The following ST8SIA1 variants were observed in gnomAD, a reference collection of about 807,000 sequenced individuals.
ST8SIA1 encodes the protein alpha-N-acetylneuraminide alpha-2,8-sialyltransferase.
Under a neutral mutation model 35.9 loss-of-function variants are expected in ST8SIA1, and 16 were observed. That is an observed-to-expected ratio of 0.45 (90% confidence interval 0.30 to 0.68). The LOEUF (loss-of-function observed/expected upper bound fraction) is 0.68. Among genes scored for constraint, ST8SIA1 ranks in the 30% least tolerant of loss-of-function variants. The probability of loss-of-function intolerance (pLI) is 0.09; values close to 1 mark genes in which losing one functional copy is unlikely to be tolerated. For missense variants in ST8SIA1, 383 were observed against 453.6 expected, an observed-to-expected ratio of 0.84 and a Z score of 1.41; for synonymous variants, 170 against 169.6, an observed-to-expected ratio of 1.00 and a Z score of -0.02.
chr12:22,325,636 G>A, intron 1 of ST8SIA1: 1 of 614,666 alleles, frequency 1.6e-6, no homozygotes, highest in South Asian at 2.0e-5. Context: ...AAGACCCCCA[G>A]TGGATGTCTG....
At chr12:22,285,670 G>A (rs1190079935) in intron 2 of ST8SIA1, among the ~76,000 whole-genome samples, 3 of 152,038 alleles carry the variant, frequency 2.0e-5, no homozygotes, top group African/African-American at 4.8e-5. Flanking sequence ...TCCGGAGTTC[G>A]AGACCAGCCT....
Position 22,289,249 on chromosome 12 carries a change from T to C in ST8SIA1, c.237-1956A>G, listed in dbSNP as rs377613477. Among the ~76,000 whole-genome samples, 36 of 152,160 alleles carry C rather than the reference T, an allele frequency of 2.4e-4. 1 individual carries two copies. The highest frequency in any genetic ancestry group is 1.3e-3 in the East Asian group (7 of 5,194). On this transcript the variant is annotated intron_variant, in intron 1 of 4. Coordinates refer to ENST00000396037, the MANE Select transcript of ST8SIA1 (RefSeq NM_003034.4). ...ATGTCTGCTGATATCTTATATTTTT[T>C]AGTCCTCAGAGCAACCCTAAGAGAT...
chr12:22,263,023 C>T (rs1017406743), intron 2 of ST8SIA1, among the ~76,000 whole-genome samples: 9 of 152,110 alleles, frequency 5.9e-5, no homozygotes, highest in Non-Finnish European at 1.2e-4. Flanking sequence ...AACCAGCTCA[C>T]CAGGAATCTT....
intron 1 of ST8SIA1, among the ~76,000 whole-genome samples, chr12:22,326,689 T>C (rs1041866731): frequency 6.6e-6 from 1 of 152,152 alleles, no homozygotes; most frequent in Non-Finnish European, 1.5e-5. Flanking sequence ...GAGTCTACAT[T>C]CTTTATCTGA....
chr12:22,330,524 C>T (rs1295974685), intron 1 of ST8SIA1, among the ~76,000 whole-genome samples: 3 of 152,190 alleles, frequency 2.0e-5, no homozygotes, highest in Admixed American at 1.3e-4. Context: ...GGTTTTCACT[C>T]TGCTATGTTT....
chr12:22,224,884 T>C (rs1389084052), intron 4 of ST8SIA1, among the ~76,000 whole-genome samples: 1 of 152,168 alleles, frequency 6.6e-6, no homozygotes, highest in African/African-American at 2.4e-5. Flanking sequence ...AACAGGATCT[T>C]TGTAGATATA....
At chr12:22,298,373 C>T (rs1262788107) in intron 1 of ST8SIA1, among the ~76,000 whole-genome samples, 1 of 152,182 alleles carries the variant, frequency 6.6e-6, no homozygotes, top group Non-Finnish European at 1.5e-5. Context: ...ACTAAACCCT[C>T]ATCCTGTGGG....
intron 4 of ST8SIA1, among the ~76,000 whole-genome samples, chr12:22,245,755 C>T (rs1457850457): frequency 6.6e-6 from 1 of 152,218 alleles, no homozygotes; most frequent in Non-Finnish European, 1.5e-5. Flanking sequence ...GATTCTAGGA[C>T]TGGGACTTCA....
At chr12:22,226,022 A>C (rs1385904416) in intron 4 of ST8SIA1, among the ~76,000 whole-genome samples, 4 of 152,044 alleles carry the variant, frequency 2.6e-5, no homozygotes, top group Non-Finnish European at 1.5e-5. Flanking sequence ...GTATACTTTT[A>C]ATTGCTTTTG....
intron 1 of ST8SIA1, among the ~76,000 whole-genome samples, chr12:22,312,787 G>A (rs761848150): frequency 1.5e-4 from 22 of 151,336 alleles, no homozygotes; most frequent in South Asian, 4.2e-4. Flanking sequence ...AAGTGGTCCC[G>A]ATGGACACAA....
intron 2 of ST8SIA1, among the ~76,000 whole-genome samples, chr12:22,284,427 G>GT (rs1392788408): frequency 7.2e-5 from 11 of 152,098 alleles, no homozygotes; most frequent in African/African-American, 2.7e-4. Context: ...TAAATGAAGC[G>GT]TATCAATTAA....
chr12:22,292,346 A>G (rs1246405451), intron 1 of ST8SIA1, among the ~76,000 whole-genome samples: 1 of 152,106 alleles, frequency 6.6e-6, no homozygotes, highest in Non-Finnish European at 1.5e-5. Flanking sequence ...TATATATTTA[A>G]TTTATAGTCT....
At chr12:22,203,592 G>A (rs1865073484) in intron 4 of ST8SIA1, among the ~76,000 whole-genome samples, 1 of 152,016 alleles carries the variant, frequency 6.6e-6, no homozygotes, top group Admixed American at 6.6e-5. Context: ...ATTTTTCCCT[G>A]GGTCCTGATA....
At chr12:22,238,913 G>A (rs982997255) in intron 4 of ST8SIA1, among the ~76,000 whole-genome samples, 2 of 152,006 alleles carry the variant, frequency 1.3e-5, no homozygotes, top group Non-Finnish European at 2.9e-5. Context: ...AGGATCTTTG[G>A]AGGTAAAAAA....
At chr12:22,311,173 C>G (rs931566313) in intron 1 of ST8SIA1, among the ~76,000 whole-genome samples, 1 of 152,102 alleles carries the variant, frequency 6.6e-6, no homozygotes, top group Non-Finnish European at 1.5e-5. Flanking sequence ...AGACTACGTG[C>G]TAAACTTTGG....
At chr12:22,270,772 G>A (rs1194361774) in intron 2 of ST8SIA1, among the ~76,000 whole-genome samples, 1 of 152,074 alleles carries the variant, frequency 6.6e-6, no homozygotes, top group African/African-American at 2.4e-5. Context: ...TATATCCATG[G>A]AACAAAATTA....
At chr12:22,207,279 A>C (rs886518866) in intron 4 of ST8SIA1, among the ~76,000 whole-genome samples, 1 of 152,226 alleles carries the variant, frequency 6.6e-6, no homozygotes, top group African/African-American at 2.4e-5. Flanking sequence ...TGTGAACTAC[A>C]TTTAGGTAGA....
chr12:22,239,156 T>G (rs747121499), intron 4 of ST8SIA1, among the ~76,000 whole-genome samples: 1 of 152,200 alleles, frequency 6.6e-6, no homozygotes, highest in Non-Finnish European at 1.5e-5. Flanking sequence ...CTTATTATCT[T>G]TAGCTCTGTT....
In ST8SIA1 at chr12:22,290,607, A is replaced by G. The variant is rs114695709; in HGVS notation, c.237-3314T>C. Among the ~76,000 whole-genome samples the G allele has an allele frequency of 3.3e-3, 507 of 152,318 alleles. 2 individuals carry two copies. Among genetic ancestry groups the G allele is most frequent in the African/African-American group, 0.011 (461 of 41,582 alleles). On this transcript the variant is annotated intron_variant, in intron 1 of 4. Transcript: ENST00000396037. ...AGTCACAGCAGAGATGTGCACAGAC[A>G]TCTGTGGTTGTTTGGAAAAAGGAGG...
Sources: gnomAD v4.1 joint callset for allele counts (sites outside exome capture counted in the v4.1 genomes callset) on GRCh38, gnomAD v4.1.1 for gene constraint, MANE v1.5 for transcripts, NCBI Gene and HGNC (gene_info 2026-07-23, HGNC 2026-07-21) for gene names.